Variants in OBI1 observed in about 807,000 individuals in gnomAD.
The protein encoded by OBI1 is ring finger protein 219.
In OBI1, 59 loss-of-function variants were observed where a neutral mutation model predicts 62.4. The ratio of observed to expected loss-of-function variants is 0.95; its 90% CI spans 0.77 to 1.17. The LOEUF is 1.17. Ranked by LOEUF, OBI1 falls within the 50% of genes most tolerant of loss-of-function variation. OBI1 has a pLI of 0.00. For missense variants in OBI1, 875 were observed against 830.9 expected, an observed-to-expected ratio of 1.05 and a Z score of -0.65; for synonymous variants, 302 against 292.8, an observed-to-expected ratio of 1.03 and a Z score of -0.32.
chr13:78,645,912 A>G (rs1169525746), intron 1 of OBI1, among the ~76,000 whole-genome samples: 1 of 152,202 alleles, frequency 6.6e-6, no homozygotes, highest in African/African-American at 2.4e-5. Context: ...GGCCTCCCAA[A>G]GTGCTGGGAT....
intron 5 of OBI1, among the ~76,000 whole-genome samples, chr13:78,617,652 TTTG>T (rs766082684): frequency 9.1e-4 from 138 of 152,330 alleles, no homozygotes; most frequent in Middle Eastern, 3.4e-3. Context: ...TAAATACTTA[TTTG>T]GGCCCTTTCA....
chr13:78,617,024 T>A lies in OBI1; in HGVS notation c.737A>T (p.Tyr246Phe), dbSNP rs781457232. Reference protein sequence around the residue: ...LKKALERSDKYIEELESQVAQ... With the variant: ...LKKALERSDKFIEELESQVAQ... Reference sequence around the variant, plus strand: ...AACTTGAGATTCTAGTTCCTCTATATACTTATCACTTCGTTCCAGGGCTTT... The same window carrying A: ...AACTTGAGATTCTAGTTCCTCTATAAACTTATCACTTCGTTCCAGGGCTTT... The change falls in exon 6 of 6, where the codon TAT becomes TTT. Residue 246 changes from tyrosine to phenylalanine, a missense_variant. Coordinates refer to ENST00000282003, the MANE Select transcript of OBI1 (RefSeq NM_024546.4). 4 of 1,614,134 alleles carry A rather than the reference T, an allele frequency of 2.5e-6. No homozygotes were observed. The South Asian group carries it at 4.4e-5, about 18-fold the overall frequency.
At chr13:78,650,266 G>T (rs1876508644) in intron 1 of OBI1, among the ~76,000 whole-genome samples, 1 of 152,192 alleles carries the variant, frequency 6.6e-6, no homozygotes, top group African/African-American at 2.4e-5. Flanking sequence ...AAGCGGTAAT[G>T]ATAACAGTGA....
chr13:78,632,722 C>T (rs751842792), intron 5 of OBI1, among the ~76,000 whole-genome samples: 75 of 152,288 alleles, frequency 4.9e-4, no homozygotes, highest in Admixed American at 1.1e-3. Context: ...CTGTGGTCAG[C>T]TTCTCTCTGA....
rs1475173995 is a variant in OBI1 at position 78,616,801 on chromosome 13, C to G, written c.960G>C (p.Leu320=). ...SHLAKPSSSR[L]CDTSSARQES... Reference sequence around the variant, plus strand: ...CCTGCCTTGCAGAACTGGTGTCACACAGTCTGCTGCTGGAAGGCTTCGCTA... The same window carrying G: ...CCTGCCTTGCAGAACTGGTGTCACAGAGTCTGCTGCTGGAAGGCTTCGCTA... The change falls in exon 6 of 6, where the codon CTG becomes CTC. Residue 320 remains leucine, a synonymous_variant. Coordinates refer to ENST00000282003, the MANE Select transcript of OBI1 (RefSeq NM_024546.4). 1.9e-6 allele frequency: 3 copies of G among 1,614,070 alleles called. No individual in the cohort carries two copies. Among genetic ancestry groups the G allele is most frequent in the Non-Finnish European group, 2.5e-6 (3 of 1,180,024 alleles).
At chr13:78,617,410 G>C (rs1875348448) in intron 5 of OBI1, 2 of 289,352 alleles carry the variant, frequency 6.9e-6, no homozygotes, top group Non-Finnish European at 1.3e-5. Flanking sequence ...CCCTCGAAGA[G>C]CTGGCTGTAT....
chr13:78,654,257 A>G (rs1254782314), intron 1 of OBI1, among the ~76,000 whole-genome samples: 2 of 152,208 alleles, frequency 1.3e-5, no homozygotes, highest in African/African-American at 4.8e-5. Context: ...TTTTGAATTA[A>G]CTTATTATAC....
rs760322810 is a variant in OBI1, at chr13:78,617,107, T to G, written c.654A>C (p.Ala218=). ...NRSPQKFGRF[A]VAALQSKVEQ... ...CTACTTTGGACTGAAGAGCAGCAAC[T>G]GCAAACCTTCCAAACCTACAAAGAA... Residue 218 remains alanine, a synonymous_variant, in exon 6 of 6, where the codon GCA becomes GCC. Transcript: ENST00000282003. 6.4e-7 allele frequency: 1 copy of G among 1,556,986 alleles called. No individual in the cohort carries two copies. The highest frequency in any genetic ancestry group is 1.2e-5 in the South Asian group (1 of 81,320).
chr13:78,659,088 C>T lies in OBI1; in HGVS notation c.33G>A (p.Ser11=), dbSNP rs1397609557. The change falls in exon 1 of 6, where the codon TCG becomes TCA. Residue 11 remains serine, a synonymous_variant. Transcript: ENST00000282003. Reference sequence around the variant, plus strand: ...TGTGGCACGTGATGGGCAGAGTGAGCGACAATGTAACATTCTGCACGGTCT... The same window carrying T: ...TGTGGCACGTGATGGGCAGAGTGAGTGACAATGTAACATTCTGCACGGTCT... MAQTVQNVTL[S]LTLPITCHIC... 2 of 1,612,566 alleles carry T rather than the reference C, an allele frequency of 1.2e-6. No homozygotes were observed. The highest frequency in any genetic ancestry group is 1.7e-5 in the Admixed American group (1 of 59,856).
chr13:78,628,402 C>A (rs572065151), intron 5 of OBI1, among the ~76,000 whole-genome samples: 1 of 152,298 alleles, frequency 6.6e-6, no homozygotes, highest in South Asian at 2.1e-4. Flanking sequence ...GTAGAAGGTG[C>A]TGAGTGAAAG....
At position 78,622,766 on chromosome 13, in the gene OBI1, C is replaced by T. The variant is rs546969612; in HGVS notation, c.639-5644G>A. Reference sequence around the variant, plus strand: ...CCTTAACAGGAGCTCTATAGAAATCCGAGTTTTGACAGAAGTGAGAAGAAA... The same window carrying T: ...CCTTAACAGGAGCTCTATAGAAATCTGAGTTTTGACAGAAGTGAGAAGAAA... On this transcript the variant is annotated intron_variant, in intron 5 of 5. Transcript: ENST00000282003. 3.2e-3 allele frequency among the ~76,000 whole-genome samples: 494 copies of T among 152,062 alleles called. 1 individual carries two copies. Among genetic ancestry groups the T allele is most frequent in the Non-Finnish European group, 4.8e-3 (325 of 68,000 alleles).
chr13:78,655,972 C>A (rs1454526056), intron 1 of OBI1, among the ~76,000 whole-genome samples: 1 of 152,110 alleles, frequency 6.6e-6, no homozygotes, highest in Non-Finnish European at 1.5e-5. Flanking sequence ...ATGGAACCAG[C>A]TGAAAATTCT....
chr13:78,623,985 T>C (rs878996345), intron 5 of OBI1, among the ~76,000 whole-genome samples: 10 of 152,194 alleles, frequency 6.6e-5, no homozygotes, highest in African/African-American at 1.4e-4. Context: ...AAGACTAAGT[T>C]TGAAACAGAG....
In OBI1 at chr13:78,630,712, C is replaced by A. The variant is rs74097360; in HGVS notation, c.638+4398G>T. 6.5e-3 allele frequency among the ~76,000 whole-genome samples: 985 copies of A among 152,224 alleles called. 13 individuals are homozygous for A. The highest frequency in any genetic ancestry group is 0.023 in the African/African-American group (961 of 41,556). ...CAAAAAGACACAGCTGTCTATGAAG[C>A]AGGAAGTGGGCCTCACTAGACCAGC... On this transcript the variant is annotated intron_variant, in intron 5 of 5. Coordinates refer to ENST00000282003, the MANE Select transcript of OBI1 (RefSeq NM_024546.4).
intron 5 of OBI1, among the ~76,000 whole-genome samples, chr13:78,627,890 T>C (rs1219374666): frequency 6.6e-6 from 1 of 152,222 alleles, no homozygotes; most frequent in Non-Finnish European, 1.5e-5. Context: ...ATTTATCCAA[T>C]GTTATTTACT....
At chr13:78,621,179 T>C (rs150827956) in intron 5 of OBI1, among the ~76,000 whole-genome samples, 70 of 152,360 alleles carry the variant, frequency 4.6e-4, no homozygotes, top group African/African-American at 1.6e-3. Context: ...TCAGTGTTGA[T>C]ATCCTTGCTT....
rs777660967 is a variant in OBI1, at chr13:78,616,760, G to C, written c.1001C>G (p.Ala334Gly). The C allele has an allele frequency of 5.6e-6, 9 of 1,614,166 alleles. No individual in the cohort carries two copies. Among genetic ancestry groups the C allele is most frequent in the Non-Finnish European group, 7.6e-6 (9 of 1,180,034 alleles). Residue 334 changes from alanine (A) to glycine (G), a missense_variant, in exon 6 of 6, where the codon GCA becomes GGA. By Grantham distance (60) the Ala-to-Gly change is moderately conservative. Transcript: ENST00000282003. ...TTTGTTCTTAGAACAGTTAAGGTCT[G>C]CTTTGCTGGTACTTTCCTGCCTTGC... Reference protein sequence around the residue: ...SSARQESTSKADLNCSKNKDL... With the variant: ...SSARQESTSKGDLNCSKNKDL...
chr13:78,620,114 C>CT (rs777667882), intron 5 of OBI1, among the ~76,000 whole-genome samples: 2 of 152,128 alleles, frequency 1.3e-5, no homozygotes, highest in African/African-American at 2.4e-5. Flanking sequence ...ATAGATGAGA[C>CT]TTTTGACATG....
At chr13:78,628,256 A>G (rs756989535) in intron 5 of OBI1, among the ~76,000 whole-genome samples, 2 of 152,248 alleles carry the variant, frequency 1.3e-5, no homozygotes, top group African/African-American at 2.4e-5. Context: ...ATCTTTGTCT[A>G]AATCACAGAG....
Sources: allele counts gnomAD v4.1 joint callset (sites outside exome capture counted in the v4.1 genomes callset), GRCh38; gene constraint gnomAD v4.1.1; transcripts MANE v1.5; gene names NCBI Gene and HGNC (gene_info 2026-07-23, HGNC 2026-07-21).